Variants in AUTS2 observed in about 807,000 individuals in gnomAD.
AUTS2 encodes activator of transcription and developmental regulator AUTS2.
Under a neutral mutation model 112.4 loss-of-function variants are expected in AUTS2, and 17 were observed. That is an observed-to-expected ratio of 0.15 (90% CI 0.10 to 0.23). The LOEUF is 0.23. AUTS2 is among the 10% of genes least tolerant of loss of function. The probability of loss-of-function intolerance (pLI) is 1.00; values close to 1 mark genes in which losing one functional copy is unlikely to be tolerated. For synonymous variants in AUTS2, 751 were observed against 702.7 expected (o/e 1.07, Z -1.09); for missense variants, 1,510 against 1,701.6 (o/e 0.89, Z 1.98).
intron 5 of AUTS2, among the ~76,000 whole-genome samples, chr7:70,531,596 G>T (rs963931017): frequency 1.3e-5 from 2 of 152,052 alleles, no homozygotes; most frequent in Non-Finnish European, 1.5e-5. Flanking sequence ...GCTTGGGGGT[G>T]GGGTTCCAGG....
chr7:70,421,240 A>C (rs950418299), intron 4 of AUTS2, among the ~76,000 whole-genome samples: 2 of 152,208 alleles, frequency 1.3e-5, no homozygotes, highest in Non-Finnish European at 1.5e-5. Flanking sequence ...TAAAACAAAA[A>C]AAGGTATTTA....
intron 4 of AUTS2, among the ~76,000 whole-genome samples, chr7:70,279,325 C>T (rs1788093876): frequency 6.6e-6 from 1 of 152,140 alleles, no homozygotes; most frequent in Non-Finnish European, 1.5e-5. Context: ...GTAATGGGGG[C>T]CAAATGATTT....
intron 2 of AUTS2, among the ~76,000 whole-genome samples, chr7:70,007,802 T>C (rs1384805685): frequency 6.6e-6 from 1 of 152,216 alleles, no homozygotes; most frequent in Non-Finnish European, 1.5e-5. Flanking sequence ...TGAATATTTT[T>C]TAAATTATTG....
intron 14 of AUTS2, chr7:70,781,364 C>CAAA (rs756708435): frequency 8.1e-3 from 994 of 122,788 alleles, no homozygotes; most frequent in South Asian, 0.02. Context: ...GACTCCGTCA[C>CAAA]AAAAAAAAAA....
intron 5 of AUTS2, among the ~76,000 whole-genome samples, chr7:70,673,151 C>T (rs73178295): frequency 0.065 from 9,822 of 152,130 alleles, 410 homozygotes; most frequent in Non-Finnish European, 0.093. Flanking sequence ...CAACCCAACG[C>T]GAGTGACCTA....
intron 5 of AUTS2, among the ~76,000 whole-genome samples, chr7:70,644,501 C>T (rs1202644944): frequency 6.6e-6 from 1 of 152,128 alleles, no homozygotes; most frequent in Admixed American, 6.5e-5. Context: ...GAACTGTCTC[C>T]CACACCCTTT....
intron 1 of AUTS2, among the ~76,000 whole-genome samples, chr7:69,836,065 A>T (rs1045827622): frequency 1.3e-5 from 2 of 152,182 alleles, no homozygotes; most frequent in African/African-American, 4.8e-5. Flanking sequence ...GGAAAGCCTT[A>T]CAAAATTATG....
intron 1 of AUTS2, among the ~76,000 whole-genome samples, chr7:69,761,418 G>A (rs745858699): frequency 2.0e-5 from 3 of 152,114 alleles, no homozygotes; most frequent in Admixed American, 6.5e-5. Context: ...GGACACCGAC[G>A]TCTGTTGTTT....
intron 5 of AUTS2, among the ~76,000 whole-genome samples, chr7:70,645,586 C>G (rs1330424295): frequency 6.6e-6 from 1 of 152,150 alleles, no homozygotes; most frequent in East Asian, 1.9e-4. Flanking sequence ...TCTGGGCAGA[C>G]CATGGGGCCT....
At chr7:70,446,117 G>A (rs1160601157) in intron 5 of AUTS2, among the ~76,000 whole-genome samples, 2 of 152,192 alleles carry the variant, frequency 1.3e-5, no homozygotes, top group Admixed American at 6.5e-5. Context: ...GCCCCCTCAA[G>A]AACCCTCTTG....
rs564354333 is a variant in AUTS2 at position 70,415,559 on chromosome 7, A to T, written c.661-20193A>T. 1.1e-4 allele frequency among the ~76,000 whole-genome samples: 17 copies of T among 152,330 alleles called. No homozygotes were observed. In the East Asian group the frequency reaches 1.5e-3, roughly 14 times the overall value. On this transcript the variant is annotated intron_variant, in intron 4 of 18. Transcript: ENST00000342771. ...AGTTCTACTCATGCAGACAAAAAAA[A>T]AGTGTCCTGGTACATCGTTGTTTAA...
intron 2 of AUTS2, among the ~76,000 whole-genome samples, chr7:69,985,351 CCT>C (rs749902172): frequency 2.4e-4 from 36 of 152,114 alleles, no homozygotes; most frequent in East Asian, 9.6e-4. Flanking sequence ...CTTCACGGTG[CCT>C]CTGACTAGTT....
intron 2 of AUTS2, among the ~76,000 whole-genome samples, chr7:70,113,373 A>C (rs1347294995): frequency 2.0e-5 from 3 of 152,194 alleles, no homozygotes; most frequent in African/African-American, 7.2e-5. Flanking sequence ...TACAAATTCT[A>C]TCCAATCCAT....
chr7:69,818,898 G>A (rs1273229547), intron 1 of AUTS2, among the ~76,000 whole-genome samples: 14 of 152,164 alleles, frequency 9.2e-5, no homozygotes, highest in Admixed American at 9.2e-4. Context: ...CTCTCTGTTT[G>A]GGGGTTACCA....
chr7:70,181,265 C>T (rs190461088), intron 4 of AUTS2, among the ~76,000 whole-genome samples: 13 of 152,236 alleles, frequency 8.5e-5, no homozygotes, highest in Non-Finnish European at 1.8e-4. Context: ...GTACAGATCT[C>T]CTTGCACTTC....
At chr7:70,060,831 TC>T (rs1802211943) in intron 2 of AUTS2, among the ~76,000 whole-genome samples, 1 of 152,170 alleles carries the variant, frequency 6.6e-6, no homozygotes, top group African/African-American at 2.4e-5. Context: ...ACCTCTCTGC[TC>T]CCTCTGCTGC....
At chr7:70,646,700 C>T (rs1806182705) in intron 5 of AUTS2, among the ~76,000 whole-genome samples, 1 of 152,264 alleles carries the variant, frequency 6.6e-6, no homozygotes, top group Non-Finnish European at 1.5e-5. Flanking sequence ...GTGCCGCTGA[C>T]AGCTGTAGGC....
Position 70,511,561 on chromosome 7 carries a change from C to CTTTTTTTTTTTTTTTT in AUTS2, c.690+75794_690+75809dup, listed in dbSNP as rs3974587. Among the ~76,000 whole-genome samples the CTTTTTTTTTTTTTTTT allele has an allele frequency of 5.1e-4, 36 of 70,104 alleles. 6 individuals are homozygous for CTTTTTTTTTTTTTTTT. The highest frequency in any genetic ancestry group is 1.7e-3 in the East Asian group (4 of 2,406). 46.0% of individuals were successfully genotyped at this position (70,104 alleles called of 152,430 possible). On this transcript the variant is annotated intron_variant, in intron 5 of 18. Coordinates refer to ENST00000342771, the MANE Select transcript of AUTS2 (RefSeq NM_015570.4). ...TTCATTTTAAACTTTTTTTCATTTT[C>CTTTTTTTTTTTTTTTT]TTTTTTTTTTTTTTTTTTTTTTTTT...
At chr7:70,598,065 C>T (rs1803290012) in intron 5 of AUTS2, among the ~76,000 whole-genome samples, 2 of 152,126 alleles carry the variant, frequency 1.3e-5, no homozygotes, top group African/African-American at 4.8e-5. Context: ...TTCATAAATC[C>T]GCTTGGTTAA....
Sources: gnomAD v4.1 joint callset for allele counts (sites outside exome capture counted in the v4.1 genomes callset) on GRCh38, gnomAD v4.1.1 for gene constraint, MANE v1.5 for transcripts, NCBI Gene and HGNC (gene_info 2026-07-23, HGNC 2026-07-21) for gene names.